Variants in MAGI1 observed in about 807,000 individuals in gnomAD.
MAGI1 encodes the protein membrane-associated guanylate kinase, WW and PDZ domain-containing protein 1.
Under a neutral mutation model 139.9 loss-of-function variants are expected in MAGI1, and 58 were observed. That is an observed-to-expected ratio of 0.41 (90% CI 0.34 to 0.52). The LOEUF is 0.52. Ranked by LOEUF, MAGI1 falls within the 20% of genes least tolerant of loss-of-function variation. The pLI is 0.12. For synonymous variants in MAGI1, 812 were observed against 737.9 expected (o/e 1.10, Z -1.63); for missense variants, 1,874 against 1,901.6 (o/e 0.99, Z 0.27).
At chr3:65,567,702 A>G (rs1235442571) in intron 2 of MAGI1, among the ~76,000 whole-genome samples, 1 of 151,982 alleles carries the variant, frequency 6.6e-6, no homozygotes, top group African/African-American at 2.4e-5. Flanking sequence ...TGGGCGTGGC[A>G]GCACACACTT....
At chr3:66,032,932 A>C (rs376568737) in intron 1 of MAGI1, among the ~76,000 whole-genome samples, 8,536 of 141,610 alleles carry the variant, frequency 0.06, 394 homozygotes, top group African/African-American at 0.1. Flanking sequence ...AAAAAAAAAA[A>C]AACAACAACA....
chr3:65,699,351 AT>A (rs1229833094), intron 1 of MAGI1, among the ~76,000 whole-genome samples: 1 of 148,136 alleles, frequency 6.8e-6, no homozygotes, highest in African/African-American at 2.6e-5. Flanking sequence ...TAGAAATACC[AT>A]TTGACCCTGC....
intron 1 of MAGI1, among the ~76,000 whole-genome samples, chr3:65,904,981 A>G (rs1247498886): frequency 6.6e-6 from 1 of 152,180 alleles, no homozygotes; most frequent in Admixed American, 6.6e-5. Context: ...GGAAATCAAT[A>G]TGATTCAACA....
chr3:65,405,580 T>G (rs35123811), intron 12 of MAGI1, among the ~76,000 whole-genome samples: 47,085 of 151,872 alleles, frequency 0.31, 8,224 homozygotes, highest in South Asian at 0.45. Flanking sequence ...GATACCACAA[T>G]AAACAAAACT....
chr3:65,665,513 T>C (rs1205309133), intron 1 of MAGI1, among the ~76,000 whole-genome samples: 1 of 152,214 alleles, frequency 6.6e-6, no homozygotes, highest in Non-Finnish European at 1.5e-5. Flanking sequence ...ATATGTGATT[T>C]GAAAGAAATG....
chr3:65,688,918 GGCA>G (rs2088311799), intron 1 of MAGI1, among the ~76,000 whole-genome samples: 1 of 152,082 alleles, frequency 6.6e-6, no homozygotes, highest in Admixed American at 6.6e-5. Context: ...TATTGACGCT[GGCA>G]GCTCTGTTTG....
At chr3:65,507,895 GA>G (rs570810926) in intron 2 of MAGI1, among the ~76,000 whole-genome samples, 347 of 127,460 alleles carry the variant, frequency 2.7e-3, no homozygotes, top group Admixed American at 4.8e-3. Context: ...TTTTAGAGGT[GA>G]TTTTTTTTTT....
chr3:65,834,340 T>C (rs531258489), intron 1 of MAGI1, among the ~76,000 whole-genome samples: 1 of 152,290 alleles, frequency 6.6e-6, no homozygotes, highest in Admixed American at 6.5e-5. Flanking sequence ...CCTCAAACAG[T>C]GTGAATGAGC....
intron 1 of MAGI1, among the ~76,000 whole-genome samples, chr3:66,033,538 C>T (rs1218943235): frequency 1.3e-5 from 2 of 152,190 alleles, no homozygotes; most frequent in African/African-American, 4.8e-5. Context: ...CTCTGAAAGA[C>T]AAGGCCCTGT....
intron 2 of MAGI1, among the ~76,000 whole-genome samples, chr3:65,540,975 T>A (rs1453107624): frequency 6.6e-6 from 1 of 152,158 alleles, no homozygotes; most frequent in Non-Finnish European, 1.5e-5. Context: ...ATGGTGTATG[T>A]ATCAAAAACA....
intron 12 of MAGI1, among the ~76,000 whole-genome samples, chr3:65,422,824 C>G (rs1003446603): frequency 2.6e-5 from 4 of 152,044 alleles, no homozygotes; most frequent in Non-Finnish European, 5.9e-5. Context: ...CTGTGGCTAC[C>G]TGGGAGAAGA....
intron 1 of MAGI1, among the ~76,000 whole-genome samples, chr3:65,786,420 C>G (rs2643734): frequency 0.39 from 58,779 of 151,440 alleles, 12,632 homozygotes; most frequent in Non-Finnish European, 0.5. Context: ...GATCCTCCCA[C>G]CTCGGCTTCC....
chr3:66,024,169 C>A (rs1178576611), intron 1 of MAGI1, among the ~76,000 whole-genome samples: 4 of 151,594 alleles, frequency 2.6e-5, no homozygotes, highest in African/African-American at 9.7e-5. Flanking sequence ...TGAGAGAAAC[C>A]AAGTGAGAGA....
chr3:65,516,309 A>G (rs1035288393), intron 2 of MAGI1, among the ~76,000 whole-genome samples: 2 of 152,010 alleles, frequency 1.3e-5, no homozygotes, highest in Non-Finnish European at 2.9e-5. Context: ...CCTCCCAAGT[A>G]GCTGGGACTA....
At position 65,815,028 on chromosome 3, in the gene MAGI1, G is replaced by A. The variant is rs140660929; in HGVS notation, c.314-192940C>T. On this transcript the variant is annotated intron_variant, in intron 1 of 22. Coordinates refer to ENST00000402939, the MANE Select transcript of MAGI1 (RefSeq NM_001033057.2). ...GATCATCCACTTGGGAAACACAGCA[G>A]CTGTATTTCTAAGTCCTGCCTCGTA... is the stretch of plus-strand genomic sequence containing the variant. Among the ~76,000 whole-genome samples, 594 of 147,410 alleles carry A rather than the reference G, an allele frequency of 4.0e-3. 2 individuals carry two copies. Among genetic ancestry groups the A allele is most frequent in the South Asian group, 0.024 (113 of 4,756 alleles).
chr3:65,717,456 T>C (rs2032411217), intron 1 of MAGI1: 1 of 152,188 alleles, frequency 6.6e-6, no homozygotes, highest in Non-Finnish European at 1.5e-5. Context: ...TTTAGTTACA[T>C]ACTAGTAATG....
chr3:66,015,632 C>A (rs2067593866), intron 1 of MAGI1, among the ~76,000 whole-genome samples: 1 of 152,164 alleles, frequency 6.6e-6, no homozygotes, highest in Non-Finnish European at 1.5e-5. Flanking sequence ...TCTATAGCTA[C>A]TGCCTTAAAA....
intron 3 of MAGI1, among the ~76,000 whole-genome samples, chr3:65,491,954 G>T (rs1040814714): frequency 6.6e-6 from 1 of 152,246 alleles, no homozygotes; most frequent in Non-Finnish European, 1.5e-5. Context: ...CTTCTCCAAA[G>T]AACATCAAAC....
At chr3:65,981,173 G>A (rs1378626274) in intron 1 of MAGI1, among the ~76,000 whole-genome samples, 2 of 150,016 alleles carry the variant, frequency 1.3e-5, no homozygotes, top group African/African-American at 2.5e-5. Flanking sequence ...AAAAGAAAAG[G>A]AAAGAAAAGA....
Sources: gnomAD v4.1 joint callset for allele counts (sites outside exome capture counted in the v4.1 genomes callset) on GRCh38, gnomAD v4.1.1 for gene constraint, MANE v1.5 for transcripts, NCBI Gene and HGNC (gene_info 2026-07-23, HGNC 2026-07-21) for gene names.